Variants in MPRIP observed in about 807,000 individuals in gnomAD.
The protein encoded by MPRIP is myosin phosphatase Rho-interacting protein.
Under a neutral mutation model 234.9 loss-of-function variants are expected in MPRIP, and 59 were observed. The ratio of observed to expected loss-of-function variants is 0.25; its 90% CI spans 0.20 to 0.31. The LOEUF is 0.31. Ranked by LOEUF, MPRIP falls within the 10% of genes least tolerant of loss-of-function variation. MPRIP has a pLI of 1.00. For synonymous variants in MPRIP, 1,144 were observed against 1,263.9 expected, an observed-to-expected ratio of 0.91 and a Z score of 2.01; for missense variants, 2,436 against 3,071.0, an observed-to-expected ratio of 0.79 and a Z score of 4.89.
chr17:17,114,503 G>C (rs1379967022), intron 3 of MPRIP, among the ~76,000 whole-genome samples: 5 of 152,070 alleles, frequency 3.3e-5, no homozygotes, highest in African/African-American at 1.2e-4. Flanking sequence ...GTGTTACAGG[G>C]CTTTTTTCCT....
At chr17:17,156,819 G>A (rs1005520960) in intron 13 of MPRIP, among the ~76,000 whole-genome samples, 2 of 152,240 alleles carry the variant, frequency 1.3e-5, no homozygotes, top group African/African-American at 4.8e-5. Flanking sequence ...ATGTTAGCGT[G>A]CTCTTACAGT....
At position 17,057,847 on chromosome 17, in the gene MPRIP, C is replaced by G. The variant is rs924120993; in HGVS notation, c.123+14876C>G. The G allele has an allele frequency of 1.2e-5, 7 of 600,092 alleles. No homozygotes were observed. In the African/African-American group the frequency reaches 1.3e-4, roughly 11 times the overall value. The allele number at this position is 600,092 out of a possible 1,614,324, so 37.2% of individuals were successfully genotyped here. On this transcript the variant is annotated intron_variant, in intron 1 of 23. Transcript: ENST00000651222. ...AGCCGCTGATATACTCTAATACTTG[C>G]AGTAATATTTTTTAATAGAATGCAA...
intron 3 of MPRIP, chr17:17,096,883 A>G: frequency 2.2e-6 from 1 of 446,596 alleles, no homozygotes; most frequent in Non-Finnish European, 4.7e-6. Flanking sequence ...GAAAATAAAT[A>G]TGAAAAAGCA....
chr17:17,125,910 TGTG>T (rs2090481901), intron 3 of MPRIP, among the ~76,000 whole-genome samples: 7 of 152,158 alleles, frequency 4.6e-5, no homozygotes, highest in Admixed American at 3.9e-4. Context: ...GCACCCCTGG[TGTG>T]GTGGTAACCA....
rs964955789 is a variant in MPRIP at position 17,175,560 on chromosome 17, G to A, written c.6870+148G>A. 61 of 1,149,006 alleles carry A rather than the reference G, an allele frequency of 5.3e-5. No homozygotes were observed. The African/African-American group carries it at 7.4e-4, about 14-fold the overall frequency. 71.2% of individuals were successfully genotyped at this position (1,149,006 alleles called of 1,614,324 possible). ...GGGTCCAGGAAGATCCAAATCACCC[G>A]AAGGCGGCGAGGAGCAGTGAGCTGC... On this transcript the variant is annotated intron_variant, in intron 20 of 23. Transcript: ENST00000651222.
In MPRIP at chr17:17,192,426, T is replaced by TGGG. The variant is rs1157972241; in HGVS notation, c.*7532_*7533insGGG. 6 of 2,962 alleles carry TGGG rather than the reference T, an allele frequency of 2.0e-3. No homozygotes were observed. The highest frequency in any genetic ancestry group is 0.024 in the South Asian group (1 of 42). The allele number at this position is 2,962 out of a possible 1,614,324, so 0.2% of individuals were successfully genotyped here. A position where few individuals can be genotyped will look rare whatever the true frequency, so the allele number is the denominator to read the frequency against. Reference sequence around the variant, plus strand: ...GACCAGCTGAGCTGCTGCTTTTTTTTTGGGGGGGGGGGGGGGAGGGGCGTC... The same window carrying TGGG: ...GACCAGCTGAGCTGCTGCTTTTTTTTGGGTGGGGGGGGGGGGGGGAGGGGCGTC... On this transcript the variant is annotated 3_prime_UTR_variant, in exon 24 of 24. Transcript: ENST00000651222.
chr17:17,075,913 G>A lies in MPRIP; in HGVS notation c.201+126G>A, dbSNP rs1242344068. On this transcript the variant is annotated intron_variant, in intron 2 of 23. Coordinates refer to ENST00000651222, the MANE Select transcript of MPRIP (RefSeq NM_001364716.4). ...GATCCTGGGATAGCAGGACCAGCAGGGCTCCCCCATTTGGTGCACTTGTAC... is the reference window on the plus strand; with the variant it reads ...GATCCTGGGATAGCAGGACCAGCAGAGCTCCCCCATTTGGTGCACTTGTAC... 1.1e-5 allele frequency: 10 copies of A among 881,404 alleles called. No individual in the cohort carries two copies. In the East Asian group the frequency reaches 1.7e-4, roughly 15 times the overall value. 54.6% of individuals were successfully genotyped at this position (881,404 alleles called of 1,614,324 possible).
chr17:17,127,981 T>G (rs1049942393), intron 4 of MPRIP, among the ~76,000 whole-genome samples: 14 of 152,310 alleles, frequency 9.2e-5, no homozygotes, highest in Admixed American at 1.3e-4. Context: ...TTTGCATTTC[T>G]GAGCACCTGG....
rs748076749 is a variant in MPRIP, at chr17:17,177,399, G to A, written c.7107G>A (p.Thr2369=). The change falls in exon 22 of 24, where the codon ACG becomes ACA. Residue 2369 remains threonine (T), a synonymous_variant. Coordinates refer to ENST00000651222, the MANE Select transcript of MPRIP (RefSeq NM_001364716.4). The stretch of plus-strand genomic sequence containing the variant: ...GGGAGAAGTCCCCTGACAGTGCCAC[G>A]GTGTCCGGATATGGTGCGTCCTCGG... The part of the protein sequence containing the change: ...ALGEKSPDSA[T]VSGYDIMKSK... 6.2e-6 allele frequency: 10 copies of A among 1,613,572 alleles called. No homozygotes were observed. Among genetic ancestry groups the A allele is most frequent in the Admixed American group, 1.7e-5 (1 of 60,004 alleles).
At chr17:17,143,482 G>A in intron 8 of MPRIP, 74 bp from the exon 9 acceptor site, 1 of 988,446 alleles carries the variant, frequency 1.0e-6, no homozygotes. Context: ...TGGAGGGGTG[G>A]ACAGCACCAG....
At chr17:17,132,942 C>T (rs144983602) in intron 5 of MPRIP, among the ~76,000 whole-genome samples, 5 of 152,312 alleles carry the variant, frequency 3.3e-5, no homozygotes, top group Admixed American at 6.5e-5. Flanking sequence ...AGAATAACAG[C>T]GTTTAGGGTT....
chr17:17,174,316 C>T (rs1193380413), intron 19 of MPRIP, among the ~76,000 whole-genome samples: 3 of 152,240 alleles, frequency 2.0e-5, no homozygotes, highest in Non-Finnish European at 4.4e-5. Flanking sequence ...GCCACGTGCA[C>T]CACCTGCTTA....
At chr17:17,122,794 C>T (rs1324369138) in intron 3 of MPRIP, among the ~76,000 whole-genome samples, 2 of 152,202 alleles carry the variant, frequency 1.3e-5, no homozygotes, top group African/African-American at 4.8e-5. Context: ...TGAGATGGCA[C>T]AGCCACTTTG....
Position 17,052,351 on chromosome 17 carries a change from C to A in MPRIP, c.123+9380C>A, listed in dbSNP as rs117062492. Among the ~76,000 whole-genome samples, 468 of 152,300 alleles carry A rather than the reference C, an allele frequency of 3.1e-3. 2 individuals are homozygous for A. The highest frequency in any genetic ancestry group is 6.8e-3 in the Middle Eastern group (2 of 294). On this transcript the variant is annotated intron_variant, in intron 1 of 23. Transcript: ENST00000651222. The stretch of plus-strand genomic sequence containing the variant: ...TATTGCAGTGCTGCAGAATAAATCA[C>A]AGCTGTTTCCTGGACTTCTAGTTCC...
chr17:17,047,198 A>C (rs1176492695), intron 1 of MPRIP, among the ~76,000 whole-genome samples: 1 of 152,138 alleles, frequency 6.6e-6, no homozygotes, highest in African/African-American at 2.4e-5. Context: ...TAATAATAAT[A>C]ATAAATTTAA....
intron 1 of MPRIP, among the ~76,000 whole-genome samples, chr17:17,064,799 G>A (rs925576590): frequency 2.6e-5 from 4 of 152,280 alleles, no homozygotes; most frequent in South Asian, 4.1e-4. Flanking sequence ...GGTCTGCTAC[G>A]AACAAAGCTG....
intron 13 of MPRIP, among the ~76,000 whole-genome samples, chr17:17,155,218 G>A (rs1418273632): frequency 6.6e-6 from 1 of 152,020 alleles, no homozygotes; most frequent in African/African-American, 2.4e-5. Context: ...ATGTCACAGC[G>A]GGGGCTGTCC....
In MPRIP at chr17:17,166,745, A is replaced by T. The variant is rs2046007458; in HGVS notation, c.5154A>T (p.Pro1718=). The T allele has an allele frequency of 7.7e-7, 1 of 1,304,186 alleles. No homozygotes were observed. The highest frequency in any genetic ancestry group is 1.0e-6 in the Non-Finnish European group (1 of 988,948). 80.8% of individuals were successfully genotyped at this position (1,304,186 alleles called of 1,614,324 possible). ...AAATCCTGGGAGCCTACCAAACCCC[A>T]GACTTTGAAAGAGTGATGCAGCAGG... ...LREILGAYQT[P]DFERVMQQVL... Residue 1718 remains proline (P), a synonymous_variant, in exon 16 of 24, where the codon CCA becomes CCT. Coordinates refer to ENST00000651222, the MANE Select transcript of MPRIP (RefSeq NM_001364716.4). This position sits in a 1 kb window ranked among gnomAD's most constrained non-coding sequence, Gnocchi z 4.4.
Position 17,111,146 on chromosome 17 carries a change from A to T in MPRIP, c.268-15556A>T, listed in dbSNP as rs1432242796. On this transcript the variant is annotated intron_variant, in intron 3 of 23. Coordinates refer to ENST00000651222, the MANE Select transcript of MPRIP (RefSeq NM_001364716.4). The stretch of plus-strand genomic sequence containing the variant: ...AATTAAAAGGTTATTTTAAAAGTTT[A>T]AAAAAAAAAACCAAAAAAAAAAGAA... 1.6e-4 allele frequency among the ~76,000 whole-genome samples: 18 copies of T among 115,762 alleles called. 1 individual carries two copies. Among genetic ancestry groups the T allele is most frequent in the East Asian group, 4.1e-4 (2 of 4,892 alleles). 75.9% of individuals were successfully genotyped at this position (115,762 alleles called of 152,430 possible).
Sources: gnomAD v4.1 joint callset for allele counts (sites outside exome capture counted in the v4.1 genomes callset) on GRCh38, gnomAD v4.1.1 for gene constraint, Gnocchi (gnomAD v3.1) non-coding constraint, MANE v1.5 for transcripts, NCBI Gene and HGNC (gene_info 2026-07-23, HGNC 2026-07-21) for gene names.